Variants in NLRP13 observed in about 807,000 individuals in gnomAD.
The protein encoded by NLRP13 is NLR family pyrin domain containing 13, also known as NACHT, LRR and PYD domains-containing protein 13.
In NLRP13, 82 loss-of-function variants were observed where a neutral mutation model predicts 94.4. That is an observed-to-expected ratio of 0.87 (90% confidence interval 0.73 to 1.04). NLRP13 has a LOEUF of 1.04. Among genes scored for constraint, NLRP13 ranks in the 50% least tolerant of loss-of-function variants. The probability of loss-of-function intolerance (pLI) is 0.00; values close to 1 mark genes in which losing one functional copy is unlikely to be tolerated. For missense variants in NLRP13, 1,426 were observed against 1,230.8 expected (o/e 1.16, Z -2.37); for synonymous variants, 553 against 464.7 (o/e 1.19, Z -2.45).
At position 55,902,212 on chromosome 19, in the gene NLRP13, G is replaced by T. The variant is rs199476259; in HGVS notation, c.2619-7C>A. On this transcript the variant is annotated splice_region_variant and splice_polypyrimidine_tract_variant and intron_variant, in intron 8 of 10. Transcript: ENST00000342929. The stretch of plus-strand genomic sequence containing the variant: ...CAGCTGGCAAAACCAGAGCCTGCAG[G>T]GTGAAAGCCACAGAGATGGACACTC... 5.6e-5 allele frequency: 90 copies of T among 1,613,184 alleles called. No individual in the cohort carries two copies. Among genetic ancestry groups the T allele is most frequent in the Non-Finnish European group, 6.9e-5 (81 of 1,179,744 alleles).
rs777242645 is a variant in NLRP13 at position 55,912,524 on chromosome 19, T to C, written c.1293A>G (p.Val431=). 1 of 1,614,170 alleles carries C rather than the reference T, an allele frequency of 6.2e-7. No individual in the cohort carries two copies. Among genetic ancestry groups the C allele is most frequent in the South Asian group, 1.1e-5 (1 of 91,086 alleles). The stretch of plus-strand genomic sequence containing the variant: ...CCTTCGGCTGCTTCAGACAGGAACA[T>C]ACGGTCCAACACACCATGGGGGCAC... ...SCSAPMVCWT[V]CSCLKQPKVR... The change falls in exon 5 of 11, where the codon GTA becomes GTG. Residue 431 remains valine, a synonymous_variant. Transcript: ENST00000342929.
chr19:55,925,086 A>T, intron 1 of NLRP13, 51 bp from the exon 2 acceptor site: 1 of 1,524,060 alleles, frequency 6.6e-7, no homozygotes, highest in Non-Finnish European at 9.1e-7. Flanking sequence ...CTGAAAATGG[A>T]CCAGCAATAA....
At chr19:55,930,026 T>A (rs1304944308) in intron 1 of NLRP13, among the ~76,000 whole-genome samples, 3 of 150,950 alleles carry the variant, frequency 2.0e-5, no homozygotes, top group Non-Finnish European at 4.4e-5. Context: ...AAGGGTGGAG[T>A]GGTGTTCTAG....
chr19:55,920,683 A>G (rs564173328), intron 4 of NLRP13, among the ~76,000 whole-genome samples: 2 of 152,300 alleles, frequency 1.3e-5, no homozygotes, highest in African/African-American at 4.8e-5. Context: ...AATATCTATG[A>G]AAATATTAGG....
At chr19:55,911,010 G>A (rs899504112) in intron 5 of NLRP13, among the ~76,000 whole-genome samples, 3 of 152,122 alleles carry the variant, frequency 2.0e-5, no homozygotes, top group African/African-American at 7.2e-5. Flanking sequence ...TACTCAGGAG[G>A]CTGAGGCAGG....
intron 7 of NLRP13, among the ~76,000 whole-genome samples, chr19:55,905,499 A>G (rs1275594682): frequency 6.8e-6 from 1 of 146,724 alleles, no homozygotes; most frequent in Non-Finnish European, 1.5e-5. Context: ...ACATATATAC[A>G]TATATATCTG....
chr19:55,912,523 A>T lies in NLRP13; in HGVS notation c.1294T>A (p.Cys432Ser). The change falls in exon 5 of 11, where the codon TGT (cysteine) becomes AGT (serine). Residue 432 changes from cysteine to serine, a missense_variant. Cys to Ser is a moderately radical substitution (Grantham distance 112). Transcript: ENST00000342929. ...ACCTTCGGCTGCTTCAGACAGGAAC[A>T]TACGGTCCAACACACCATGGGGGCA... ...CSAPMVCWTV[C>S]SCLKQPKVRY... The T allele has an allele frequency of 6.2e-7, 1 of 1,614,210 alleles. No individual in the cohort carries two copies. Among genetic ancestry groups the T allele is most frequent in the Non-Finnish European group, 8.5e-7 (1 of 1,180,016 alleles).
chr19:55,896,192 C>T (rs1297078631), intron 10 of NLRP13, 73 bp from the exon 11 acceptor site: 1 of 1,520,108 alleles, frequency 6.6e-7, no homozygotes, highest in East Asian at 2.3e-5. Flanking sequence ...GATACCACAT[C>T]TGCAGGAAAA....
chr19:55,899,139 G>C (rs1986097607), intron 9 of NLRP13, among the ~76,000 whole-genome samples: 1 of 151,846 alleles, frequency 6.6e-6, no homozygotes, highest in African/African-American at 2.4e-5. Context: ...AAAGCCGAGG[G>C]CACAGCAACA....
chr19:55,905,414 T>TAC lies in NLRP13; in HGVS notation c.2448-304_2448-303dup, dbSNP rs1266101700. Among the ~76,000 whole-genome samples, 6 of 150,660 alleles carry TAC rather than the reference T, an allele frequency of 4.0e-5. No homozygotes were observed. In the East Asian group the frequency reaches 1.2e-3, roughly 29 times the overall value. ...ACATATATATATACATACATATATA[T>TAC]ACACGTATATATACACACACATATA... On this transcript the variant is annotated intron_variant, in intron 7 of 10. Transcript: ENST00000342929.
chr19:55,932,032 G>T lies in NLRP13; in HGVS notation c.280C>A (p.Leu94Met), dbSNP rs1461669585. ...VVLGIFQTMN[L>M]TSLCEKVRAE... ...CTAACTTTCTCACACAGTGAGGTCA[G>T]ATTCATTGTCTGGAAGATGCCGAGG... is the stretch of plus-strand genomic sequence containing the variant. The change falls in exon 1 of 11, where the codon CTG becomes ATG. Residue 94 changes from leucine to methionine, a missense_variant. Physicochemically the swap from Leu to Met is conservative, Grantham distance 15 (BLOSUM62 2). Coordinates refer to ENST00000342929, the MANE Select transcript of NLRP13 (RefSeq NM_176810.2). 6.2e-7 allele frequency: 1 copy of T among 1,613,990 alleles called. No homozygotes were observed. Among genetic ancestry groups the T allele is most frequent in the Non-Finnish European group, 8.5e-7 (1 of 1,180,030 alleles).
At chr19:55,930,928 G>C (rs565722218) in intron 1 of NLRP13, among the ~76,000 whole-genome samples, 1 of 105,334 alleles carries the variant, frequency 9.5e-6, no homozygotes, top group African/African-American at 4.7e-5. Flanking sequence ...AAACAGCATG[G>C]TTTTATACTT....
chr19:55,912,459 G>C lies in NLRP13; in HGVS notation c.1358C>G (p.Thr453Ser). The change falls in exon 5 of 11, where the codon ACC (threonine) becomes AGC (serine). Residue 453 changes from threonine to serine, a missense_variant. Coordinates refer to ENST00000342929, the MANE Select transcript of NLRP13 (RefSeq NM_176810.2). ...YDLQSITQTT[T>S]SLYAYFFSNL... ...GGAGAAAAAATAGGCATACAGACTG[G>C]TGGTAGTCTGAGTGATTGACTGGAG... 1 of 1,614,184 alleles carries C rather than the reference G, an allele frequency of 6.2e-7. No homozygotes were observed. Among genetic ancestry groups the C allele is most frequent in the Non-Finnish European group, 8.5e-7 (1 of 1,180,030 alleles).
intron 4 of NLRP13, among the ~76,000 whole-genome samples, chr19:55,917,938 C>G (rs1986713043): frequency 6.6e-6 from 1 of 151,998 alleles, no homozygotes; most frequent in Admixed American, 6.6e-5. Flanking sequence ...ACAGAACCTT[C>G]TACTCAACTG....
intron 4 of NLRP13, among the ~76,000 whole-genome samples, chr19:55,913,547 T>C (rs1364338386): frequency 9.2e-5 from 1 of 10,904 alleles, no homozygotes; most frequent in Non-Finnish European, 1.7e-4. Flanking sequence ...AGACTCCGTC[T>C]CAAAAAAAAA....
chr19:55,923,659 G>A (rs1254667228), intron 4 of NLRP13, among the ~76,000 whole-genome samples: 2 of 152,144 alleles, frequency 1.3e-5, no homozygotes, highest in Non-Finnish European at 2.9e-5. Context: ...GGGCAGCCCA[G>A]TCCCCTAGCC....
chr19:55,892,531 C>G (rs1395757942), downstream of NLRP13, among the ~76,000 whole-genome samples: 2 of 152,250 alleles, frequency 1.3e-5, no homozygotes, highest in South Asian at 4.1e-4. Context: ...CAGCGATTCT[C>G]CTGCCTTAGG....
At chr19:55,917,448 C>T (rs546356155) in intron 4 of NLRP13, among the ~76,000 whole-genome samples, 1 of 152,022 alleles carries the variant, frequency 6.6e-6, no homozygotes, top group African/African-American at 2.4e-5. Context: ...CTTCAATATA[C>T]ATGGATTAAA....
In NLRP13 at chr19:55,896,062, G is replaced by C. The variant is rs1002268459; in HGVS notation, c.3015C>G (p.Ser1005Arg). The change falls in exon 11 of 11, where the codon AGC becomes AGG. Residue 1005 changes from serine to arginine, a missense_variant. Physicochemically the swap from Ser to Arg is moderately radical, Grantham distance 110. Coordinates refer to ENST00000342929, the MANE Select transcript of NLRP13 (RefSeq NM_176810.2). ...ACCQHLFSVL[S>R]SSKSLVNLNL... ...TCAGATTGACCAGGCTCTTACTGCT[G>C]CTGAGAACAGAGAAGAGATGCTGGC... 1.9e-6 allele frequency: 3 copies of C among 1,614,146 alleles called. No homozygotes were observed. The highest frequency in any genetic ancestry group is 2.5e-6 in the Non-Finnish European group (3 of 1,180,018).
Sources: gnomAD v4.1 joint callset for allele counts (sites outside exome capture counted in the v4.1 genomes callset) on GRCh38, gnomAD v4.1.1 for gene constraint, MANE v1.5 for transcripts, NCBI Gene and HGNC (gene_info 2026-07-23, HGNC 2026-07-21) for gene names.